The following XAF1 variants were observed in gnomAD, a reference collection of about 807,000 sequenced individuals.
XAF1 encodes the protein XIAP-associated factor 1.
XAF1 carries 32 observed loss-of-function variants against 32.3 expected under a neutral mutation model. The observed-to-expected ratio is 0.99, with a 90% CI of 0.75 to 1.33. The LOEUF is 1.33. Ranked by LOEUF, XAF1 falls within the 40% of genes most tolerant of loss-of-function variation. XAF1 has a pLI of 0.00. For synonymous variants in XAF1, 120 were observed against 125.9 expected (o/e 0.95, Z 0.31); for missense variants, 379 against 366.0 (o/e 1.04, Z -0.29).
intron 5 of XAF1, among the ~76,000 whole-genome samples, chr17:6,767,032 A>G (rs78157660): frequency 2.0e-5 from 3 of 152,272 alleles, no homozygotes; most frequent in African/African-American, 7.2e-5. Context: ...TAGGCCTTAT[A>G]TGTCTGAAAA....
intron 1 of XAF1, 126 bp from the exon 2 acceptor site, chr17:6,757,963 G>A (rs925722418): frequency 3.8e-6 from 5 of 1,317,274 alleles, no homozygotes; most frequent in Non-Finnish European, 4.2e-6. Flanking sequence ...GGCAGGTGGT[G>A]TCATCATCAT....
chr17:6,765,118 A>G (rs1327969951), intron 5 of XAF1, among the ~76,000 whole-genome samples: 1 of 152,146 alleles, frequency 6.6e-6, no homozygotes, highest in Non-Finnish European at 1.5e-5. Flanking sequence ...GATTTTTAAA[A>G]ATGCCATATG....
chr17:6,763,600 T>C (rs1975380917), intron 5 of XAF1, among the ~76,000 whole-genome samples: 1 of 151,982 alleles, frequency 6.6e-6, no homozygotes, highest in Non-Finnish European at 1.5e-5. Flanking sequence ...CCAAAGTTAA[T>C]GGCCTTTTTA....
In XAF1 at chr17:6,758,441, G is replaced by A; in HGVS notation, c.168+217G>A. 5.8e-6 allele frequency: 4 copies of A among 693,008 alleles called. No individual in the cohort carries two copies. In the South Asian group the frequency reaches 7.4e-5, roughly 13 times the overall value. The allele number at this position is 693,008 out of a possible 1,614,324, so 42.9% of individuals were successfully genotyped here. A position where few individuals can be genotyped will look rare whatever the true frequency, so the allele number is the denominator to read the frequency against. ...GTTCAGTCCTCTCTGCAGGTGAGAT[G>A]GGGTCTGAGAGTCAAGGCAAGTGTT... On this transcript the variant is annotated intron_variant, in intron 2 of 6. Transcript: ENST00000361842.
At chr17:6,760,308 A>G (rs1975080028) in intron 3 of XAF1, 98 bp from the exon 4 acceptor site, 1 of 1,216,406 alleles carries the variant, frequency 8.2e-7, no homozygotes, top group Non-Finnish European at 1.1e-6. Context: ...AGATCAAGCC[A>G]CTGCACTCCA....
chr17:6,761,818 C>A, intron 4 of XAF1: 1 of 1,334,944 alleles, frequency 7.5e-7, no homozygotes, highest in South Asian at 1.3e-5. Flanking sequence ...AAAACTGGTG[C>A]AATGAAAGAG....
In XAF1 at chr17:6,758,367, T is replaced by C. The variant is rs949841556; in HGVS notation, c.168+143T>C. On this transcript the variant is annotated intron_variant, in intron 2 of 6. Coordinates refer to ENST00000361842, the MANE Select transcript of XAF1 (RefSeq NM_017523.5). The stretch of plus-strand genomic sequence containing the variant: ...GATGGGGTCTGGGAGTCAAGGCAAG[T>C]GTTCAGTCCTCTCTGCAGGAGAGAT... The C allele has an allele frequency of 1.5e-5, 18 of 1,222,344 alleles. No individual in the cohort carries two copies. In the African/African-American group the frequency reaches 2.5e-4, roughly 17 times the overall value. The allele number at this position is 1,222,344 out of a possible 1,614,324, so 75.7% of individuals were successfully genotyped here. A position where few individuals can be genotyped will look rare whatever the true frequency, so the allele number is the denominator to read the frequency against.
At chr17:6,761,846 G>A in intron 4 of XAF1, 1 of 1,391,478 alleles carries the variant, frequency 7.2e-7, no homozygotes, top group Non-Finnish European at 9.5e-7. Context: ...AGAATGGAGG[G>A]GGTTGGCATC....
chr17:6,760,214 G>T (rs1253840433), intron 3 of XAF1, among the ~76,000 whole-genome samples, 192 bp from the exon 4 acceptor site: 1 of 152,142 alleles, frequency 6.6e-6, no homozygotes, highest in African/African-American at 2.4e-5. Context: ...TGGGCGTGGT[G>T]GCACACGCCT....
At chr17:6,756,251 C>T (rs1363186431) in intron 1 of XAF1, 141 bp downstream of exon 1, 5 of 1,492,642 alleles carry the variant, frequency 3.3e-6, no homozygotes, top group Non-Finnish European at 4.5e-6. Flanking sequence ...ACCGTGGGCC[C>T]CAAGGGTAGG....
intron 1 of XAF1, 39 bp from the exon 2 acceptor site, chr17:6,758,050 A>G: frequency 6.2e-7 from 1 of 1,612,924 alleles, no homozygotes; most frequent in Non-Finnish European, 8.5e-7. Flanking sequence ...TAATATGAAA[A>G]TAAGTCTATT....
chr17:6,760,596 G>T lies in XAF1; in HGVS notation c.416G>T (p.Gly139Val). The change falls in exon 4 of 7, where the codon GGG becomes GTG. Residue 139 changes from glycine to valine, a missense_variant. Coordinates refer to ENST00000361842, the MANE Select transcript of XAF1 (RefSeq NM_017523.5). Reference protein sequence around the residue: ...DVCRSEQAQLGKGERISAPER... With the variant: ...DVCRSEQAQLVKGERISAPER... The stretch of plus-strand genomic sequence containing the variant: ...TGTCGCAGTGAACAGGCCCAGCTCG[G>T]GAAAGGTAAGCACACAAACTGGGGT... 1.2e-6 allele frequency: 2 copies of T among 1,606,526 alleles called. No homozygotes were observed. The highest frequency in any genetic ancestry group is 1.3e-5 in the African/African-American group (1 of 74,892).
chr17:6,763,032 T>C (rs757298604), intron 5 of XAF1, among the ~76,000 whole-genome samples: 1 of 152,236 alleles, frequency 6.6e-6, no homozygotes, highest in African/African-American at 2.4e-5. Flanking sequence ...TATAGAGACA[T>C]TTGGTACATT....
intron 6 of XAF1, among the ~76,000 whole-genome samples, chr17:6,772,210 T>C (rs1253336024): frequency 6.6e-6 from 1 of 152,160 alleles, no homozygotes; most frequent in East Asian, 1.9e-4. Context: ...TCCATCCTTA[T>C]ATAACAGAGT....
chr17:6,759,898 G>A (rs1260655017), intron 3 of XAF1, 180 bp downstream of exon 3: 1 of 1,049,386 alleles, frequency 9.5e-7, no homozygotes, highest in East Asian at 2.6e-5. Context: ...CTGTCCCCCA[G>A]ATACTGATCA....
rs754935831 is a variant in XAF1, at chr17:6,758,143, G to A, written c.87G>A (p.Arg29=). The A allele has an allele frequency of 6.2e-7, 1 of 1,614,244 alleles. No individual in the cohort carries two copies. The highest frequency in any genetic ancestry group is 2.2e-5 in the East Asian group (1 of 44,888). Residue 29 remains arginine (R), a synonymous_variant, in exon 2 of 7, where the codon CGG becomes CGA. Transcript: ENST00000361842. ...CCCTCCATGAGGCTTACTGCCTGCG[G>A]TTCCTGGTCCTGTGTCCGGAGTGTG... ...NFTLHEAYCL[R]FLVLCPECEE... is the part of the protein sequence containing the mutation.
chr17:6,757,997 C>T, intron 1 of XAF1, 92 bp from the exon 2 acceptor site: 1 of 1,564,698 alleles, frequency 6.4e-7, no homozygotes, highest in Non-Finnish European at 8.7e-7. Context: ...CTTAAGGCCT[C>T]TGGAGATCTA....
chr17:6,761,920 T>C, intron 4 of XAF1: 1 of 1,503,250 alleles, frequency 6.7e-7, no homozygotes, highest in Non-Finnish European at 8.9e-7. Flanking sequence ...GTCTCTCCAT[T>C]ACGGTTGCTG....
In XAF1 at chr17:6,760,583, C is replaced by T. The variant is rs779728297; in HGVS notation, c.403C>T (p.Gln135Ter). The T allele has an allele frequency of 1.9e-6, 3 of 1,610,066 alleles. No individual in the cohort carries two copies. Among genetic ancestry groups the T allele is most frequent in the African/African-American group, 1.3e-5 (1 of 74,816 alleles). Reference protein sequence around the residue: ...AQHRDVCRSEQAQLGKGERIS... With the variant: ...AQHRDVCRSE ...GCACAGAGATGTCTGTCGCAGTGAA[C>T]AGGCCCAGCTCGGGAAAGGTAAGCA... The change falls in exon 4 of 7, where the codon CAG (glutamine) becomes TAG (stop). Residue 135 changes from glutamine (Q) to a stop codon, truncating the protein, a stop_gained. Coordinates refer to ENST00000361842, the MANE Select transcript of XAF1 (RefSeq NM_017523.5). LOFTEE classifies it high-confidence loss of function.
Sources: gnomAD v4.1 joint callset for allele counts (sites outside exome capture counted in the v4.1 genomes callset) on GRCh38, gnomAD v4.1.1 for gene constraint, MANE v1.5 for transcripts, NCBI Gene and HGNC (gene_info 2026-07-23, HGNC 2026-07-21) for gene names.